The following MAPT variants were observed in gnomAD, a reference collection of about 807,000 sequenced individuals.
MAPT encodes the protein microtubule-associated protein tau.
Under a neutral mutation model 67.9 loss-of-function variants are expected in MAPT, and 34 were observed. That is an observed-to-expected ratio of 0.50 (90% CI 0.38 to 0.67). MAPT has a LOEUF of 0.67. Ranked by LOEUF, MAPT falls within the 30% of genes least tolerant of loss-of-function variation. The pLI is 0.00. For synonymous variants in MAPT, 456 were observed against 464.5 expected, an observed-to-expected ratio of 0.98 and a Z score of 0.23; for missense variants, 881 against 1,115.2, an observed-to-expected ratio of 0.79 and a Z score of 2.99.
At chr17:45,947,599 G>T (rs952241402) in intron 1 of MAPT, among the ~76,000 whole-genome samples, 2 of 151,876 alleles carry the variant, frequency 1.3e-5, no homozygotes, top group African/African-American at 2.4e-5. Context: ...TGTTGGTCAG[G>T]CTGGTCTCGA....
At chr17:45,929,613 T>C (rs1187126414) in intron 1 of MAPT, among the ~76,000 whole-genome samples, 1 of 152,172 alleles carries the variant, frequency 6.6e-6, no homozygotes, top group East Asian at 1.9e-4. Flanking sequence ...TTGTGTCCTG[T>C]TTAGTAGGAA....
At chr17:45,985,766 C>T (rs1476753247) in intron 5 of MAPT, 1 of 979,840 alleles carries the variant, frequency 1.0e-6, no homozygotes, top group East Asian at 1.1e-4. Context: ...CCGCCTGGGG[C>T]TCTTACTAAA....
intron 1 of MAPT, among the ~76,000 whole-genome samples, chr17:45,902,851 C>A (rs2063710036): frequency 6.6e-6 from 1 of 152,230 alleles, no homozygotes; most frequent in South Asian, 2.1e-4. Flanking sequence ...TCATTCATTC[C>A]TCTCCTTTGG....
At chr17:45,982,300 C>T (rs7209707) in intron 4 of MAPT, among the ~76,000 whole-genome samples, 15,400 of 129,682 alleles carry the variant, frequency 0.12, 964 homozygotes, top group Middle Eastern at 0.24. Context: ...CCAGCCTGGG[C>T]GACAGAGTGA....
chr17:45,897,634 C>T lies in MAPT; in HGVS notation c.-18+2948C>T, dbSNP rs529208205. 1 of 152,414 alleles carries T rather than the reference C, an allele frequency of 6.6e-6. No homozygotes were observed. Among genetic ancestry groups the T allele is most frequent in the East Asian group, 1.9e-4 (1 of 5,180 alleles). 9.4% of individuals were successfully genotyped at this position (152,414 alleles called of 1,614,324 possible). A position where few individuals can be genotyped will look rare whatever the true frequency, so the allele number is the denominator to read the frequency against. On this transcript the variant is annotated intron_variant, in intron 1 of 12. Transcript: ENST00000262410. The surrounding 1 kb of genome is among the most constrained non-coding windows in gnomAD (Gnocchi z 5.0). ...CGGATCCTGGGGCCATCGACGACTC[C>T]TCCCCATTCCCAGCAGGCGGGAGCT...
chr17:46,001,733 G>T (rs2075019286), intron 9 of MAPT, among the ~76,000 whole-genome samples: 1 of 152,174 alleles, frequency 6.6e-6, no homozygotes, highest in Non-Finnish European at 1.5e-5. Context: ...ACATTTATGG[G>T]GCACTTCTGA....
intron 1 of MAPT, among the ~76,000 whole-genome samples, chr17:45,946,547 C>T (rs1220525664): frequency 2.8e-5 from 4 of 142,792 alleles, no homozygotes; most frequent in African/African-American, 7.9e-5. Context: ...TGCAGTGAGC[C>T]GAGATGGCAC....
chr17:45,961,282 G>A (rs1437818921), intron 1 of MAPT, among the ~76,000 whole-genome samples: 1 of 152,232 alleles, frequency 6.6e-6, no homozygotes, highest in African/African-American at 2.4e-5. Context: ...ATCCAGCTCT[G>A]TTGAGCTGAA....
chr17:45,961,087 G>A (rs966141561), intron 1 of MAPT, among the ~76,000 whole-genome samples: 3 of 151,606 alleles, frequency 2.0e-5, no homozygotes, highest in African/African-American at 7.3e-5. Flanking sequence ...GGGGCAACCC[G>A]AATTGGCTGG....
intron 9 of MAPT, among the ~76,000 whole-genome samples, chr17:46,002,794 C>CT (rs1268634976): frequency 2.0e-5 from 3 of 152,058 alleles, no homozygotes; most frequent in African/African-American, 4.8e-5. Flanking sequence ...ATTTGTTTCT[C>CT]TTTTTTGAGA....
rs185774990 is a variant in MAPT at position 45,931,553 on chromosome 17, T to A, written c.-17-30768T>A. Among the ~76,000 whole-genome samples, 3 of 152,370 alleles carry A rather than the reference T, an allele frequency of 2.0e-5. No homozygotes were observed. The East Asian group carries it at 5.8e-4, about 29-fold the overall frequency. On this transcript the variant is annotated intron_variant, in intron 1 of 12. Transcript: ENST00000262410. ...AGTGAACTTTAAGAAAAGTGAGACG[T>A]CTGCAGAAGTTGCCCATAATTTAGC... is the stretch of plus-strand genomic sequence containing the variant.
rs2146239338 is a variant in MAPT, at chr17:46,025,374, A to C, written c.*1203A>C. 1 of 147,600 alleles carries C rather than the reference A, an allele frequency of 6.8e-6. No individual in the cohort carries two copies. The highest frequency in any genetic ancestry group is 1.5e-5 in the Non-Finnish European group (1 of 64,576). The allele number at this position is 147,600 out of a possible 1,614,324, so 9.1% of individuals were successfully genotyped here. A position where few individuals can be genotyped will look rare whatever the true frequency, so the allele number is the denominator to read the frequency against. ...AGCCCAATCACTGCCTATACCCCTC[A>C]TCACACGTCACAATGTCCCGAATTC... On this transcript the variant is annotated 3_prime_UTR_variant, in exon 13 of 13. Coordinates refer to ENST00000262410, the MANE Select transcript of MAPT (RefSeq NM_001377265.1).
chr17:45,944,884 A>C (rs898785070), intron 1 of MAPT, among the ~76,000 whole-genome samples: 1 of 152,074 alleles, frequency 6.6e-6, no homozygotes, highest in African/African-American at 2.4e-5. Flanking sequence ...CAGTCCCACC[A>C]TCCCTCCCGA....
intron 1 of MAPT, among the ~76,000 whole-genome samples, chr17:45,927,956 C>T (rs370935376): frequency 5.8e-5 from 8 of 139,070 alleles, no homozygotes; most frequent in Middle Eastern, 3.9e-3. Flanking sequence ...GCCGAGATGG[C>T]GCCACTGCAC....
rs1471465936 is a variant in MAPT, at chr17:45,962,255, C to G, written c.-17-66C>G. The G allele has an allele frequency of 2.2e-6, 3 of 1,359,874 alleles. No homozygotes were observed. The African/African-American group carries it at 4.3e-5, about 19-fold the overall frequency. 84.2% of individuals were successfully genotyped at this position (1,359,874 alleles called of 1,614,324 possible). A position where few individuals can be genotyped will look rare whatever the true frequency, so the allele number is the denominator to read the frequency against. On this transcript the variant is annotated intron_variant, in intron 1 of 12. Coordinates refer to ENST00000262410, the MANE Select transcript of MAPT (RefSeq NM_001377265.1). ...ATGAACTGGGAGGAGAGGCTCCTCT[C>G]TCTCTTCACCCCCACTCTGCCCCCC...
intron 1 of MAPT, among the ~76,000 whole-genome samples, chr17:45,901,436 G>T (rs946683514): frequency 2.0e-5 from 3 of 152,236 alleles, no homozygotes; most frequent in African/African-American, 7.2e-5. Context: ...ATTCAACAGA[G>T]TGCTGACATT....
chr17:45,956,426 C>G (rs1448130312), intron 1 of MAPT, among the ~76,000 whole-genome samples: 1 of 151,990 alleles, frequency 6.6e-6, no homozygotes, highest in Non-Finnish European at 1.5e-5. Context: ...GCTGCTCTCT[C>G]TAGAACCCAT....
At chr17:45,921,602 AG>A (rs1240619888) in intron 1 of MAPT, among the ~76,000 whole-genome samples, 1 of 152,234 alleles carries the variant, frequency 6.6e-6, no homozygotes, top group Non-Finnish European at 1.5e-5. Context: ...ACCACCTCAC[AG>A]GAGTGCAGGC....
Position 45,906,904 on chromosome 17 carries a change from C to T in MAPT, c.-18+12218C>T, listed in dbSNP as rs966487682. On this transcript the variant is annotated intron_variant, in intron 1 of 12. Coordinates refer to ENST00000262410, the MANE Select transcript of MAPT (RefSeq NM_001377265.1). The surrounding 1 kb of genome is among the most constrained non-coding windows in gnomAD (Gnocchi z 4.3). ...GCCCCTCTGTTTCCAGTCACACTCT[C>T]ACCAGCGATAAAATGATTTTAGACC... Among the ~76,000 whole-genome samples, 26 of 152,186 alleles carry T rather than the reference C, an allele frequency of 1.7e-4. No homozygotes were observed. The highest frequency in any genetic ancestry group is 2.7e-4 in the African/African-American group (11 of 41,434).
Sources: gnomAD v4.1 joint callset for allele counts (sites outside exome capture counted in the v4.1 genomes callset) on GRCh38, gnomAD v4.1.1 for gene constraint, Gnocchi (gnomAD v3.1) non-coding constraint, MANE v1.5 for transcripts, NCBI Gene and HGNC (gene_info 2026-07-23, HGNC 2026-07-21) for gene names.